Variants in NPIPB2 observed in about 807,000 individuals in gnomAD.
NPIPB2 encodes nuclear pore complex-interacting protein family member B2.
In NPIPB2, 27 loss-of-function variants were observed where a neutral mutation model predicts 30.8. The observed-to-expected ratio is 0.88, with a 90% CI of 0.65 to 1.21. NPIPB2 has a LOEUF of 1.21. Among genes scored for constraint, NPIPB2 ranks in the 50% most tolerant of loss-of-function variants. NPIPB2 has a pLI of 0.00. For missense variants in NPIPB2, 440 were observed against 446.2 expected (o/e 0.99, Z 0.13); for synonymous variants, 147 against 162.0 (o/e 0.91, Z 0.70).
intron 1 of NPIPB2, among the ~76,000 whole-genome samples, chr16:11,972,851 A>G (rs1376601284): frequency 2.7e-5 from 4 of 147,762 alleles, no homozygotes; most frequent in Non-Finnish European, 1.5e-5. Flanking sequence ...CAACAGAGCG[A>G]GATTCGGACT....
chr16:11,975,550 T>A (rs2055280434), intron 1 of NPIPB2, among the ~76,000 whole-genome samples: 1 of 151,986 alleles, frequency 6.6e-6, no homozygotes. Flanking sequence ...TTCTCCACCC[T>A]GCCCCCATTA....
exon 4 of NPIPB2, chr16:11,933,517 T>A: frequency 1.3e-6 from 2 of 1,596,956 alleles, no homozygotes; most frequent in Non-Finnish European, 1.7e-6. Flanking sequence ...CACATCTTAC[T>A]GTTTTTTGGC....
intron 1 of NPIPB2, chr16:11,966,948 A>C (rs1044925073): frequency 1.3e-5 from 2 of 158,440 alleles, no homozygotes; most frequent in Non-Finnish European, 2.8e-5. Flanking sequence ...ATTCCCAAGC[A>C]TGTACAGCCA....
chr16:11,964,348 A>C (rs1209155145), intron 1 of NPIPB2, among the ~76,000 whole-genome samples: 6 of 151,988 alleles, frequency 3.9e-5, no homozygotes, highest in African/African-American at 1.4e-4. Flanking sequence ...CTCTTACCCT[A>C]AATGTCTCTT....
At chr16:11,951,275 T>A (rs1483771385) in intron 1 of NPIPB2, among the ~76,000 whole-genome samples, 12 of 150,322 alleles carry the variant, frequency 8.0e-5, no homozygotes, top group African/African-American at 2.9e-4. Context: ...GCTAACACGG[T>A]GAAACCCCGT....
intron 1 of NPIPB2, among the ~76,000 whole-genome samples, chr16:11,969,868 T>A (rs1163797900): frequency 6.6e-6 from 1 of 152,120 alleles, no homozygotes; most frequent in African/African-American, 2.4e-5. Context: ...TAGCTCATTT[T>A]ATTTTTTTGA....
intron 1 of NPIPB2, among the ~76,000 whole-genome samples, chr16:11,963,310 G>A (rs451551): frequency 0.039 from 5,985 of 151,614 alleles, 151 homozygotes; most frequent in Middle Eastern, 0.082. Context: ...AACCTGGGAG[G>A]TGGAGGTTGC....
intron 1 of NPIPB2, chr16:11,968,733 A>G (rs1289134779): frequency 6.6e-6 from 1 of 151,672 alleles, no homozygotes; most frequent in Non-Finnish European, 1.5e-5. Flanking sequence ...GTTGCAAACA[A>G]CCTCAATCAT....
At chr16:11,946,022 C>CAAAAAAAAAAAAAAAA (rs200825715), upstream of NPIPB2, among the ~76,000 whole-genome samples, 1 of 70,178 alleles carries the variant, frequency 1.4e-5, no homozygotes, top group African/African-American at 6.7e-5. Flanking sequence ...GTGGCTTCTA[C>CAAAAAAAAAAAAAAAA]AAAAAAAAAA....
At chr16:11,933,528 G>A (rs570934217) in exon 4 of NPIPB2, 137 of 1,596,758 alleles carry the variant, frequency 8.6e-5, no homozygotes, top group East Asian at 1.8e-4. Flanking sequence ...GTTTTTTGGC[G>A]GTCTTCCTCT....
chr16:11,932,515 T>C (rs1267619410), intron 4 of NPIPB2, among the ~76,000 whole-genome samples: 2 of 151,870 alleles, frequency 1.3e-5, no homozygotes, highest in African/African-American at 4.8e-5. Context: ...CGGTGGCTCA[T>C]GCCTGTAATC....
chr16:11,937,299 TA>T (rs940289094), intron 2 of NPIPB2, among the ~76,000 whole-genome samples: 1 of 152,194 alleles, frequency 6.6e-6, no homozygotes, highest in Admixed American at 6.5e-5. Flanking sequence ...GCACAAAGGT[TA>T]AAAAAACTTA....
chr16:11,963,374 C>G (rs562892985), intron 1 of NPIPB2, among the ~76,000 whole-genome samples: 66 of 147,074 alleles, frequency 4.5e-4, no homozygotes, highest in African/African-American at 1.6e-3. Flanking sequence ...CAGTGAAACT[C>G]CAGCTCAAAA....
chr16:11,931,547 G>C (rs62040798), intron 4 of NPIPB2, among the ~76,000 whole-genome samples: 17,464 of 152,240 alleles, frequency 0.11, 1,320 homozygotes, highest in South Asian at 0.21. Flanking sequence ...GGTGTGTGTG[G>C]TGAGGTGCTG....
At chr16:11,941,139 A>T in intron 1 of NPIPB2, 4 of 1,474,792 alleles carry the variant, frequency 2.7e-6, no homozygotes, top group Non-Finnish European at 2.7e-6. Flanking sequence ...GTAAAAAGGA[A>T]GAAACCCCGC....
At chr16:11,965,439 C>A in intron 1 of NPIPB2, 1 of 1,613,984 alleles carries the variant, frequency 6.2e-7, no homozygotes, top group East Asian at 2.2e-5. Flanking sequence ...AACATGTCAG[C>A]GTTATTGTAA....
At position 11,947,953 on chromosome 16, in the gene NPIPB2, C is replaced by T. The variant is rs139196061; in HGVS notation, c.-583-5839G>A. Among the ~76,000 whole-genome samples the T allele has an allele frequency of 4.0e-5, 6 of 149,198 alleles. No homozygotes were observed. In the East Asian group the frequency reaches 9.9e-4, roughly 24 times the overall value. ...TCAGGGGATTGCAAGAAGGTGAAAG[C>T]GGATACTAGGTGGACAACTACTAAG... On this transcript the variant is annotated intron_variant, in intron 1 of 5. Transcript: ENST00000538896.
At chr16:11,942,542 C>T (rs4095106), upstream of NPIPB2, among the ~76,000 whole-genome samples, 1 of 151,916 alleles carries the variant, frequency 6.6e-6, no homozygotes, top group Admixed American at 6.6e-5. Flanking sequence ...TCTTACTGCC[C>T]GTGTGTGTGG....
At chr16:11,957,203 C>T (rs1444335844) in intron 1 of NPIPB2, among the ~76,000 whole-genome samples, 10 of 145,554 alleles carry the variant, frequency 6.9e-5, no homozygotes, top group African/African-American at 2.6e-4. Context: ...CTCACTCTGT[C>T]GCCCAGGCTG....
Sources: gnomAD v4.1 joint callset for allele counts (sites outside exome capture counted in the v4.1 genomes callset) on GRCh38, gnomAD v4.1.1 for gene constraint, MANE v1.5 for transcripts, NCBI Gene and HGNC (gene_info 2026-07-23, HGNC 2026-07-21) for gene names.